Variants in NEURL4 observed in about 807,000 individuals in gnomAD.
NEURL4 encodes neuralized E3 ubiquitin protein ligase 4, also known as neuralized-like protein 4.
In NEURL4, 45 loss-of-function variants were observed where a neutral mutation model predicts 148.0. The observed-to-expected ratio is 0.30, with a 90% confidence interval of 0.24 to 0.39. The LOEUF (loss-of-function observed/expected upper bound fraction) is 0.39. NEURL4 is among the 10% of genes least tolerant of loss of function. NEURL4 has a pLI of 1.00. For synonymous variants in NEURL4, 854 were observed against 869.0 expected, an observed-to-expected ratio of 0.98 and a Z score of 0.30; for missense variants, 1,776 against 2,144.0, an observed-to-expected ratio of 0.83 and a Z score of 3.39.
Position 7,317,348 on chromosome 17 carries a change from G to A in NEURL4, c.4341C>T (p.Cys1447=). The A allele has an allele frequency of 6.4e-7, 1 of 1,555,938 alleles. No individual in the cohort carries two copies. The highest frequency in any genetic ancestry group is 1.4e-5 in the African/African-American group (1 of 73,374). The part of the protein sequence containing the change: ...LGAGTASILS[C]RPLKGEPGVG... ...CCCCAGGTTCTCCCTTCAAAGGACGGCAGCTCAGGATGGAGGCAGTACCTG... is the reference window on the plus strand; with the variant it reads ...CCCCAGGTTCTCCCTTCAAAGGACGACAGCTCAGGATGGAGGCAGTACCTG... Residue 1447 remains cysteine, a synonymous_variant, in exon 28 of 29, where the codon TGC becomes TGT. Coordinates refer to ENST00000399464, the MANE Select transcript of NEURL4 (RefSeq NM_032442.3).
chr17:7,318,924 C>T lies in NEURL4; in HGVS notation c.3684+126G>A. On this transcript the variant is annotated intron_variant, in intron 22 of 28. Coordinates refer to ENST00000399464, the MANE Select transcript of NEURL4 (RefSeq NM_032442.3). The surrounding 1 kb of genome is among the most constrained non-coding windows in gnomAD (Gnocchi z 4.3). ...AGGCAATGCTACTCGCCCTTGCCTG[C>T]CCATTACTGTTCCCCTTTTACACCT... 8.9e-7 allele frequency: 1 copy of T among 1,124,904 alleles called. No individual in the cohort carries two copies. Among genetic ancestry groups the T allele is most frequent in the Non-Finnish European group, 1.3e-6 (1 of 793,406 alleles). The allele number at this position is 1,124,904 out of a possible 1,614,324, so 69.7% of individuals were successfully genotyped here.
chr17:7,318,118 C>A lies in NEURL4; in HGVS notation c.4007G>T (p.Ser1336Ile), dbSNP rs770542801. 1 of 1,614,226 alleles carries A rather than the reference C, an allele frequency of 6.2e-7. No homozygotes were observed. The highest frequency in any genetic ancestry group is 1.7e-5 in the Admixed American group (1 of 60,032). Residue 1336 changes from serine to isoleucine, a missense_variant, in exon 25 of 29, where the codon AGC becomes ATC. Ser to Ile is a moderately radical substitution (Grantham distance 142). Transcript: ENST00000399464. This position sits in a 1 kb window ranked among gnomAD's most constrained non-coding sequence, Gnocchi z 4.3. ...GPPPAASPLK[S>I]CEYHALCSRF... ...AGAGCAAAGGGCATGGTACTCGCAG[C>A]TCTTTAGAGGACTAGCGGCAGGTGG...
chr17:7,320,839 G>A lies in NEURL4; in HGVS notation c.3445C>T (p.Arg1149Cys), dbSNP rs769725643. The change falls in exon 21 of 29, where the codon CGT becomes TGT. Residue 1149 changes from arginine to cysteine, a missense_variant. Physicochemically the swap from Arg to Cys is radical, Grantham distance 180 (BLOSUM62 -3). Coordinates refer to ENST00000399464, the MANE Select transcript of NEURL4 (RefSeq NM_032442.3). ...GKNILLSNGN[R>C]TATRVASYNQ... ...TAGCTGGCCACCCGTGTGGCCGTAC[G>A]GTTCCCATTAGACAAAAGGATATTC... 9.3e-6 allele frequency: 15 copies of A among 1,613,918 alleles called. No individual in the cohort carries two copies. The highest frequency in any genetic ancestry group is 4.0e-5 in the African/African-American group (3 of 74,878).
In NEURL4 at chr17:7,327,354, G is replaced by T; in HGVS notation, c.727+86C>A. The T allele has an allele frequency of 6.9e-7, 1 of 1,440,530 alleles. No homozygotes were observed. The highest frequency in any genetic ancestry group is 9.4e-7 in the Non-Finnish European group (1 of 1,061,722). The allele number at this position is 1,440,530 out of a possible 1,614,324, so 89.2% of individuals were successfully genotyped here. A position where few individuals can be genotyped will look rare whatever the true frequency, so the allele number is the denominator to read the frequency against. ...TTCAACAGACTTGGGGATCAGGGTGGCCCTGCCCACACCCAGCCTGTCTTG... is the reference window on the plus strand; with the variant it reads ...TTCAACAGACTTGGGGATCAGGGTGTCCCTGCCCACACCCAGCCTGTCTTG... On this transcript the variant is annotated intron_variant, in intron 2 of 28. Coordinates refer to ENST00000399464, the MANE Select transcript of NEURL4 (RefSeq NM_032442.3). This position sits in a 1 kb window ranked among gnomAD's most constrained non-coding sequence, Gnocchi z 6.6.
intron 6 of NEURL4, 54 bp from the exon 7 acceptor site, chr17:7,325,767 C>A: frequency 7.1e-7 from 1 of 1,402,556 alleles, no homozygotes; most frequent in Non-Finnish European, 1.0e-6. Context: ...CTCAGCACCC[C>A]ACTCCACACA....
intron 1 of NEURL4, among the ~76,000 whole-genome samples, chr17:7,328,509 T>G (rs371347686): frequency 9.2e-5 from 14 of 152,200 alleles, no homozygotes; most frequent in East Asian, 5.8e-4. Context: ...GTTCAAGCCA[T>G]TCTCCTGCCT....
Position 7,322,636 on chromosome 17 carries a change from GCCAA to G in NEURL4, c.2725+95_2725+98del. ...TTCCCTGGAGCCGGCAGCTACCCCA[GCCAA>G]CCGTCTTTGCAGAACCTCTCTAACC... On this transcript the variant is annotated intron_variant, in intron 16 of 28. Coordinates refer to ENST00000399464, the MANE Select transcript of NEURL4 (RefSeq NM_032442.3). This position sits in a 1 kb window ranked among gnomAD's most constrained non-coding sequence, Gnocchi z 5.5. The G allele has an allele frequency of 6.7e-7, 1 of 1,490,300 alleles. No individual in the cohort carries two copies. The highest frequency in any genetic ancestry group is 9.1e-7 in the Non-Finnish European group (1 of 1,101,648). 92.3% of individuals were successfully genotyped at this position (1,490,300 alleles called of 1,614,324 possible). A position where few individuals can be genotyped will look rare whatever the true frequency, so the allele number is the denominator to read the frequency against.
In NEURL4 at chr17:7,319,717, C is replaced by CA. The variant is rs1555539171; in HGVS notation, c.3526-510dup. On this transcript the variant is annotated intron_variant, in intron 21 of 28. Coordinates refer to ENST00000399464, the MANE Select transcript of NEURL4 (RefSeq NM_032442.3). The stretch of plus-strand genomic sequence containing the variant: ...CTCCGTCTCAAAAAAAACAAAAAAA[C>CA]AAAAAAACAAAAAAAAAACATGCTG... 2.2e-4 allele frequency among the ~76,000 whole-genome samples: 16 copies of CA among 72,498 alleles called. No homozygotes were observed. In the South Asian group the frequency reaches 2.2e-3, roughly 10 times the overall value. The allele number at this position is 72,498 out of a possible 152,430, so 47.6% of individuals were successfully genotyped here.
Position 7,318,009 on chromosome 17 carries a change from AGGCTCTAGGCCT to A in NEURL4, c.4060+44_4060+55del. ...AGTGGCACCCTCCAGCTGCTCTCCA[AGGCTCTAGGCCT>A]GGCCCTGGGAATGAAGTCAGTTCTG... On this transcript the variant is annotated intron_variant, in intron 25 of 28. Coordinates refer to ENST00000399464, the MANE Select transcript of NEURL4 (RefSeq NM_032442.3). This position sits in a 1 kb window ranked among gnomAD's most constrained non-coding sequence, Gnocchi z 4.3. 6.2e-7 allele frequency: 1 copy of A among 1,613,418 alleles called. No individual in the cohort carries two copies.
In NEURL4 at chr17:7,322,721, C is replaced by A; in HGVS notation, c.2725+14G>T. The A allele has an allele frequency of 2.5e-6, 4 of 1,608,518 alleles. No individual in the cohort carries two copies. Among genetic ancestry groups the A allele is most frequent in the Non-Finnish European group, 3.4e-6 (4 of 1,179,338 alleles). On this transcript the variant is annotated intron_variant, in intron 16 of 28. Transcript: ENST00000399464. The surrounding 1 kb of genome is among the most constrained non-coding windows in gnomAD (Gnocchi z 5.5). ...GCAAGCAGAGCCCGTCCAGCCCCCG[C>A]CCTGCTGCCGCACCTGGGGAGTGCA...
Position 7,322,135 on chromosome 17 carries a change from A to C in NEURL4, c.2726-125T>G. On this transcript the variant is annotated intron_variant, in intron 16 of 28. Coordinates refer to ENST00000399464, the MANE Select transcript of NEURL4 (RefSeq NM_032442.3). This position sits in a 1 kb window ranked among gnomAD's most constrained non-coding sequence, Gnocchi z 5.5. ...AACGCCCCATCTGCCATCTGCCATT[A>C]CACCTCAGGGCCTCCTGACACCTCT... The C allele has an allele frequency of 9.1e-7, 1 of 1,104,010 alleles. No homozygotes were observed. Among genetic ancestry groups the C allele is most frequent in the Non-Finnish European group, 1.3e-6 (1 of 774,924 alleles). The allele number at this position is 1,104,010 out of a possible 1,614,324, so 68.4% of individuals were successfully genotyped here.
chr17:7,316,778 C>A (rs1020630761), intron 28 of NEURL4, among the ~76,000 whole-genome samples: 1 of 152,016 alleles, frequency 6.6e-6, no homozygotes, highest in African/African-American at 2.4e-5. Flanking sequence ...AAAAATTATC[C>A]GGGCTTGGTG....
chr17:7,329,198 C>T lies in NEURL4; in HGVS notation c.115G>A (p.Gly39Ser). 6.3e-7 allele frequency: 1 copy of T among 1,578,868 alleles called. No individual in the cohort carries two copies. The highest frequency in any genetic ancestry group is 8.6e-7 in the Non-Finnish European group (1 of 1,167,572). ...CGCGGGTGCAGTTCCCCGCCGCTGC[C>T]CAGACCCCCGTTGGACCCCGGTCCT... Reference protein sequence around the residue: ...GSGPGSNGGLGSGGELHPRTG... With the variant: ...GSGPGSNGGLSSGGELHPRTG... Residue 39 changes from glycine (G) to serine (S), a missense_variant, in exon 1 of 29, where the codon GGC (glycine) becomes AGC (serine). Transcript: ENST00000399464.
Position 7,318,424 on chromosome 17 carries a change from C to G in NEURL4, c.3865-68G>C. On this transcript the variant is annotated intron_variant, in intron 23 of 28. Transcript: ENST00000399464. The surrounding 1 kb of genome is among the most constrained non-coding windows in gnomAD (Gnocchi z 4.3). ...AGGGCCTGCTGATCCCTCCCTGGAA[C>G]AGAGATTTCCCCTGTCCTGGACAGC... 1 of 1,611,018 alleles carries G rather than the reference C, an allele frequency of 6.2e-7. No homozygotes were observed. Among genetic ancestry groups the G allele is most frequent in the Non-Finnish European group, 8.5e-7 (1 of 1,177,748 alleles).
chr17:7,321,433 C>A lies in NEURL4; in HGVS notation c.3126G>T (p.Arg1042=). 6.2e-7 allele frequency: 1 copy of A among 1,614,140 alleles called. No homozygotes were observed. Reference sequence around the variant, plus strand: ...GGATGTGCATCGTGTCATCTGCCCCCCGACGAACACCCACACGGCTCCCCA... The same window carrying A: ...GGATGTGCATCGTGTCATCTGCCCCACGACGAACACCCACACGGCTCCCCA... ...LGVGSRVGVR[R]GADDTMHILV... is the part of the protein sequence containing the mutation. Residue 1042 remains arginine (R), a synonymous_variant, in exon 19 of 29, where the codon CGG becomes CGT. Transcript: ENST00000399464. The surrounding 1 kb of genome is among the most constrained non-coding windows in gnomAD (Gnocchi z 6.3).
In NEURL4 at chr17:7,316,083, C is replaced by T. The variant is rs770373693; in HGVS notation, c.*40G>A. On this transcript the variant is annotated 3_prime_UTR_variant, in exon 29 of 29. Transcript: ENST00000399464. ...CAGTCGCCACTCAGAGTCCATGGGC[C>T]CGCGGCCCGACTGTGCTTGTAGTAG... 9.5e-7 allele frequency: 1 copy of T among 1,051,162 alleles called. No homozygotes were observed. The allele number at this position is 1,051,162 out of a possible 1,614,324, so 65.1% of individuals were successfully genotyped here. A position where few individuals can be genotyped will look rare whatever the true frequency, so the allele number is the denominator to read the frequency against.
chr17:7,325,145 G>GGGGGGGGGGGGCC, intron 8 of NEURL4, 64 bp downstream of exon 8: 1 of 830,664 alleles, frequency 1.2e-6, no homozygotes, highest in Non-Finnish European at 1.8e-6. Context: ...CCACTTCCTT[G>GGGGGGGGGGGGCC]CCCCGCCCCC....
At chr17:7,325,494 G>C in intron 7 of NEURL4, 21 bp from the exon 8 acceptor site, 1 of 1,607,614 alleles carries the variant, frequency 6.2e-7, no homozygotes. Context: ...AAGGTACGGG[G>C]GTGTGGGAGT....
rs771400591 is a variant in NEURL4 at position 7,326,880 on chromosome 17, G to C, written c.923C>G (p.Thr308Ser). The C allele has an allele frequency of 1.9e-6, 3 of 1,614,066 alleles. No homozygotes were observed. The highest frequency in any genetic ancestry group is 3.3e-5 in the Admixed American group (2 of 60,000). ...ATCGTTGGAAGTGAGAATGGGCGAG[G>C]TGGCAGCACCGCTAGATCCCAGGCC... Reference protein sequence around the residue: ...GEGLGSSGAATSPILTSNDAL... With the variant: ...GEGLGSSGAASSPILTSNDAL... Residue 308 changes from threonine (T) to serine (S), a missense_variant, in exon 4 of 29, where the codon ACC (threonine) becomes AGC (serine). Transcript: ENST00000399464. The surrounding 1 kb of genome is among the most constrained non-coding windows in gnomAD (Gnocchi z 6.0).
Sources: allele counts gnomAD v4.1 joint callset (sites outside exome capture counted in the v4.1 genomes callset), GRCh38; gene constraint gnomAD v4.1.1; non-coding constraint Gnocchi (gnomAD v3.1); transcripts MANE v1.5; gene names NCBI Gene and HGNC (gene_info 2026-07-23, HGNC 2026-07-21).